MACC1: variants seen among roughly 807,000 people sequenced by gnomAD.
MACC1 encodes metastasis-associated in colon cancer protein 1.
A neutral mutation model predicts 70.7 loss-of-function variants in MACC1; 79 were observed. That is an observed-to-expected ratio of 1.12 (90% CI 0.93 to 1.35). The LOEUF (loss-of-function observed/expected upper bound fraction) is 1.35, where lower values mean the gene tolerates loss of function less well. Ranked by LOEUF, MACC1 falls within the 40% of genes most tolerant of loss-of-function variation. MACC1 has a pLI of 0.00. For missense variants in MACC1, 1,106 were observed against 978.1 expected, an observed-to-expected ratio of 1.13 and a Z score of -1.74; for synonymous variants, 361 against 347.2, an observed-to-expected ratio of 1.04 and a Z score of -0.44.
At chr7:20,157,651 G>A (rs1267318464) in intron 5 of MACC1, among the ~76,000 whole-genome samples, 8 of 149,962 alleles carry the variant, frequency 5.3e-5, no homozygotes, top group East Asian at 1.9e-4. Flanking sequence ...CAGGCATGGC[G>A]GCACATGCCT....
At position 20,158,625 on chromosome 7, in the gene MACC1, G is replaced by A. The variant is rs758849863; in HGVS notation, c.1736C>T (p.Ala579Val). Residue 579 changes from alanine to valine, a missense_variant, in exon 5 of 7, where the codon GCT (alanine) becomes GTT (valine). Physicochemically the swap from Ala to Val is moderately conservative, Grantham distance 64. Coordinates refer to ENST00000400331, the MANE Select transcript of MACC1 (RefSeq NM_182762.4). Reference sequence around the variant, plus strand: ...TTTTACCTTACCTTCCCCGAGGAGAGCTATTGTGTCCCCTTTGAAATATTC... The same window carrying A: ...TTTTACCTTACCTTCCCCGAGGAGAACTATTGTGTCCCCTTTGAAATATTC... Reference protein sequence around the residue: ...FLEYFKGDTIALLGEGKVKAI... With the variant: ...FLEYFKGDTIVLLGEGKVKAI... 1.2e-5 allele frequency: 20 copies of A among 1,613,878 alleles called. No homozygotes were observed. Among genetic ancestry groups the A allele is most frequent in the Middle Eastern group, 1.6e-4 (1 of 6,084 alleles).
At chr7:20,201,771 G>A (rs888883183) in intron 1 of MACC1, among the ~76,000 whole-genome samples, 7 of 152,144 alleles carry the variant, frequency 4.6e-5, no homozygotes, top group African/African-American at 1.7e-4. Flanking sequence ...AAACTCCAAG[G>A]ATTATAAATT....
At chr7:20,153,817 C>A (rs1011624267) in intron 6 of MACC1, among the ~76,000 whole-genome samples, 3 of 152,096 alleles carry the variant, frequency 2.0e-5, no homozygotes, top group Admixed American at 2.0e-4. Context: ...CCGATAAGTA[C>A]ATATCATTAT....
chr7:20,211,807 G>A (rs1783000679), intron 1 of MACC1, among the ~76,000 whole-genome samples: 1 of 152,070 alleles, frequency 6.6e-6, no homozygotes, highest in African/African-American at 2.4e-5. Flanking sequence ...AAATAGGAAT[G>A]TACTATAATA....
intron 1 of MACC1, among the ~76,000 whole-genome samples, chr7:20,216,184 G>A (rs772692716): frequency 2.6e-5 from 4 of 152,020 alleles, no homozygotes; most frequent in Non-Finnish European, 4.4e-5. Flanking sequence ...CATTAACATA[G>A]ATAAGTCAAT....
chr7:20,199,895 G>A (rs1782807903), intron 1 of MACC1, among the ~76,000 whole-genome samples: 1 of 152,114 alleles, frequency 6.6e-6, no homozygotes, highest in Non-Finnish European at 1.5e-5. Context: ...AGAAAGTAGT[G>A]AGTTATACAT....
At chr7:20,200,951 G>T (rs1402340843) in intron 1 of MACC1, among the ~76,000 whole-genome samples, 1 of 152,288 alleles carries the variant, frequency 6.6e-6, no homozygotes, top group South Asian at 2.1e-4. Context: ...GCCTACCAAG[G>T]AAGTGTTCCT....
Position 20,160,157 on chromosome 7 carries a change from C to T in MACC1, c.204G>A (p.Trp68Ter). 1 of 1,612,050 alleles carries T rather than the reference C, an allele frequency of 6.2e-7. No homozygotes were observed. Among genetic ancestry groups the T allele is most frequent in the South Asian group, 1.1e-5 (1 of 90,350 alleles). The change falls in exon 5 of 7, where the codon TGG (tryptophan) becomes TGA (stop). Residue 68 changes from tryptophan to a stop codon, truncating the protein, a stop_gained. Transcript: ENST00000400331. LOFTEE classifies it high-confidence loss of function. ...ATGGGTTAGAAGCAGACAGTTGATT[C>T]CAGAATGGATTTGCAACTTTGGAAG... ...NNASKVANPF[W>*]NQLSASNPFL...
intron 1 of MACC1, among the ~76,000 whole-genome samples, chr7:20,197,824 A>C (rs1364972810): frequency 6.6e-6 from 1 of 152,272 alleles, no homozygotes; most frequent in Non-Finnish European, 1.5e-5. Flanking sequence ...ATCATGACTT[A>C]GTATCATGGC....
At chr7:20,180,923 A>C (rs1583400434) in intron 1 of MACC1, among the ~76,000 whole-genome samples, 1 of 152,318 alleles carries the variant, frequency 6.6e-6, no homozygotes, top group East Asian at 1.9e-4. Context: ...AATGTTTATG[A>C]AATATGTATA....
chr7:20,179,253 T>A (rs1014702946), intron 1 of MACC1, among the ~76,000 whole-genome samples: 3 of 152,130 alleles, frequency 2.0e-5, no homozygotes, highest in Admixed American at 1.3e-4. Context: ...AAAAAAAAAA[T>A]TCCATCATTT....
In MACC1 at chr7:20,159,481, C is replaced by G. The variant is rs1782108757; in HGVS notation, c.880G>C (p.Ala294Pro). 5 of 1,613,956 alleles carry G rather than the reference C, an allele frequency of 3.1e-6. No individual in the cohort carries two copies. The highest frequency in any genetic ancestry group is 4.2e-6 in the Non-Finnish European group (5 of 1,180,038). ...CTGAAAGGATCCTTTCTTACTTCAG[C>G]CCCAATTTTCATCTCCAGCAAAAGG... ...EALLLEMKIG[A>P]EVRKDPFSQV... is the part of the protein sequence containing the mutation. Residue 294 changes from alanine to proline, a missense_variant, in exon 5 of 7, where the codon GCT (alanine) becomes CCT (proline). By Grantham distance (27) the Ala-to-Pro change is conservative. Coordinates refer to ENST00000400331, the MANE Select transcript of MACC1 (RefSeq NM_182762.4).
intron 1 of MACC1, among the ~76,000 whole-genome samples, chr7:20,173,105 G>T (rs1044824703): frequency 6.6e-6 from 1 of 152,052 alleles, no homozygotes. Context: ...CAGATGCCCA[G>T]AAATCATCCC....
chr7:20,185,763 T>G (rs1272164223), intron 1 of MACC1, among the ~76,000 whole-genome samples: 1 of 152,236 alleles, frequency 6.6e-6, no homozygotes, highest in Non-Finnish European at 1.5e-5. Flanking sequence ...TCATGCTTTG[T>G]GCAGGCAGGC....
Position 20,180,386 on chromosome 7 carries a change from T to A in MACC1, c.-217-9608A>T, listed in dbSNP as rs1384026850. Among the ~76,000 whole-genome samples the A allele has an allele frequency of 4.7e-5, 7 of 148,310 alleles. No individual in the cohort carries two copies. The Admixed American group carries it at 4.8e-4, about 10-fold the overall frequency. Reference sequence around the variant, plus strand: ...TGAACCCGGGAGGAGGAGGTTGCAGTGAGCCGAGATTGCGCCACTGTACTT... The same window carrying A: ...TGAACCCGGGAGGAGGAGGTTGCAGAGAGCCGAGATTGCGCCACTGTACTT... On this transcript the variant is annotated intron_variant, in intron 1 of 6. Coordinates refer to ENST00000400331, the MANE Select transcript of MACC1 (RefSeq NM_182762.4).
rs12666673 is a variant in MACC1 at position 20,166,414 on chromosome 7, C to T, written c.-152-2015G>A. On this transcript the variant is annotated intron_variant, in intron 2 of 6. Transcript: ENST00000400331. ...ATGATACACACCTGGTATGATTTTA[C>T]TGGACATTACCATGCTGTGAGTGGC... Among the ~76,000 whole-genome samples, 1,281 of 152,268 alleles carry T rather than the reference C, an allele frequency of 8.4e-3. 29 individuals are homozygous for T. Among genetic ancestry groups the T allele is most frequent in the Admixed American group, 0.038 (586 of 15,294 alleles).
chr7:20,188,997 G>C (rs1203633248), intron 1 of MACC1, among the ~76,000 whole-genome samples: 4 of 152,092 alleles, frequency 2.6e-5, no homozygotes, highest in Admixed American at 2.6e-4. Flanking sequence ...GACTCTAGCT[G>C]CACTGGCCTT....
intron 1 of MACC1, among the ~76,000 whole-genome samples, chr7:20,190,804 T>A (rs547726715): frequency 6.6e-6 from 1 of 152,370 alleles, no homozygotes; most frequent in South Asian, 2.1e-4. Flanking sequence ...TGACTTCAGC[T>A]GTTATAAAAT....
At chr7:20,187,053 T>G (rs1782599984) in intron 1 of MACC1, among the ~76,000 whole-genome samples, 1 of 152,220 alleles carries the variant, frequency 6.6e-6, no homozygotes, top group South Asian at 2.1e-4. Flanking sequence ...CACAATTTTT[T>G]GAATTTACAG....
Sources: gnomAD v4.1 joint callset for allele counts (sites outside exome capture counted in the v4.1 genomes callset) on GRCh38, gnomAD v4.1.1 for gene constraint, MANE v1.5 for transcripts, NCBI Gene and HGNC (gene_info 2026-07-23, HGNC 2026-07-21) for gene names.